LRRC8E: variants seen among roughly 807,000 people sequenced by gnomAD.
The protein encoded by LRRC8E is leucine rich repeat containing 8 VRAC subunit E, also known as volume-regulated anion channel subunit LRRC8E.
Under a neutral mutation model 6.1 loss-of-function variants are expected in LRRC8E, and 6 were observed. The observed-to-expected ratio is 0.98, with a 90% CI of 0.54 to 1.93. The LOEUF (loss-of-function observed/expected upper bound fraction) is 1.93, where lower values mean the gene tolerates loss of function less well. LRRC8E is among the 30% of genes most tolerant of loss of function. The pLI, the probability that LRRC8E is intolerant of heterozygous loss-of-function variation, is 0.01. For synonymous variants in LRRC8E, 485 were observed against 472.8 expected (o/e 1.03, Z -0.33); for missense variants, 1,028 against 1,031.4 (o/e 1.00, Z 0.04).
At chr19:7,890,646 G>C (rs1043600203) in intron 1 of LRRC8E, among the ~76,000 whole-genome samples, 3 of 151,962 alleles carry the variant, frequency 2.0e-5, no homozygotes, top group Admixed American at 6.6e-5. Flanking sequence ...AAAATTAGCC[G>C]GGCGAGGTGG....
Position 7,899,371 on chromosome 19 carries a change from G to C in LRRC8E, c.849G>C (p.Leu283=), listed in dbSNP as rs761445353. The C allele has an allele frequency of 3.1e-5, 50 of 1,614,074 alleles. No homozygotes were observed. Among genetic ancestry groups the C allele is most frequent in the Admixed American group, 5.0e-5 (3 of 60,010 alleles). ...TCTATGTGGAGAAGATCAGTTTCCT[G>C]GTGGCCTGTAGGGTGGAGACGTCAG... ...NLVYVEKISF[L]VACRVETSEV... The change falls in exon 3 of 3, where the codon CTG becomes CTC. Residue 283 remains leucine (L), a synonymous_variant. Transcript: ENST00000306708.
In LRRC8E at chr19:7,901,255, A is replaced by G. The variant is rs1356174852; in HGVS notation, c.*342A>G. 1.5e-5 allele frequency: 3 copies of G among 204,100 alleles called. No homozygotes were observed. Among genetic ancestry groups the G allele is most frequent in the Non-Finnish European group, 3.0e-5 (3 of 100,480 alleles). 12.6% of individuals were successfully genotyped at this position (204,100 alleles called of 1,614,324 possible). A position where few individuals can be genotyped will look rare whatever the true frequency, so the allele number is the denominator to read the frequency against. On this transcript the variant is annotated 3_prime_UTR_variant, in exon 3 of 3. Coordinates refer to ENST00000306708, the MANE Select transcript of LRRC8E (RefSeq NM_025061.6). Reference sequence around the variant, plus strand: ...TGGATATTCCAGCTCAATTAGTGCCACATATGGGGGAAACGACACATCCCA... The same window carrying G: ...TGGATATTCCAGCTCAATTAGTGCCGCATATGGGGGAAACGACACATCCCA...
At chr19:7,890,552 G>A (rs1221024522) in intron 1 of LRRC8E, among the ~76,000 whole-genome samples, 1 of 152,086 alleles carries the variant, frequency 6.6e-6, no homozygotes, top group East Asian at 1.9e-4. Context: ...CTCTTTGGGA[G>A]GCCGAGGCAG....
chr19:7,898,525 A>AT, intron 2 of LRRC8E, 136 bp from the exon 3 acceptor site: 2 of 725,686 alleles, frequency 2.8e-6, no homozygotes, highest in South Asian at 3.7e-5. Flanking sequence ...ATGCCCGGCT[A>AT]ATTTTGTATT....
chr19:7,900,016 G>A lies in LRRC8E; in HGVS notation c.1494G>A (p.Glu498=). ...GCGTCAAATGCGAGGAGCTCCGCGA[G>A]GTGCCGCTTTGGGTGTTTGGGCTGC... ...VMRVKCEELR[E]VPLWVFGLRG... Residue 498 remains glutamate, a synonymous_variant, in exon 3 of 3, where the codon GAG becomes GAA. Coordinates refer to ENST00000306708, the MANE Select transcript of LRRC8E (RefSeq NM_025061.6). The surrounding 1 kb of genome is among the most constrained non-coding windows in gnomAD (Gnocchi z 5.0). 1.2e-6 allele frequency: 2 copies of A among 1,610,078 alleles called. No homozygotes were observed. Among genetic ancestry groups the A allele is most frequent in the Non-Finnish European group, 1.7e-6 (2 of 1,179,370 alleles).
In LRRC8E at chr19:7,895,636, G is replaced by T. The variant is rs772109390; in HGVS notation, c.33G>T (p.Thr11=). 2 of 1,614,012 alleles carry T rather than the reference G, an allele frequency of 1.2e-6. No homozygotes were observed. Among genetic ancestry groups the T allele is most frequent in the Admixed American group, 1.7e-5 (1 of 60,010 alleles). Residue 11 remains threonine, a synonymous_variant, in exon 2 of 3, where the codon ACG becomes ACT. Coordinates refer to ENST00000306708, the MANE Select transcript of LRRC8E (RefSeq NM_025061.6). The surrounding 1 kb of genome is among the most constrained non-coding windows in gnomAD (Gnocchi z 4.7). MIPVAEFKQF[T]EQQPAFKVLK... ...CAGTGGCCGAGTTCAAGCAGTTCAC[G>T]GAACAGCAGCCTGCGTTCAAGGTGC...
At position 7,900,153 on chromosome 19, in the gene LRRC8E, G is replaced by A. The variant is rs1365470472; in HGVS notation, c.1631G>A (p.Ser544Asn). ...LKQLKVLSLR[S>N]NAGKVPASVT... Reference sequence around the variant, plus strand: ...CAGCTCAAGGTGTTGTCCCTCCGGAGCAACGCCGGGAAGGTGCCAGCCAGT... The same window carrying A: ...CAGCTCAAGGTGTTGTCCCTCCGGAACAACGCCGGGAAGGTGCCAGCCAGT... Residue 544 changes from serine to asparagine, a missense_variant, in exon 3 of 3, where the codon AGC becomes AAC. Coordinates refer to ENST00000306708, the MANE Select transcript of LRRC8E (RefSeq NM_025061.6). This position sits in a 1 kb window ranked among gnomAD's most constrained non-coding sequence, Gnocchi z 5.0. 1.2e-6 allele frequency: 2 copies of A among 1,612,994 alleles called. No homozygotes were observed. Among genetic ancestry groups the A allele is most frequent in the Middle Eastern group, 1.7e-4 (1 of 6,058 alleles).
In LRRC8E at chr19:7,899,729, A is replaced by T; in HGVS notation, c.1207A>T (p.Thr403Ser). The change falls in exon 3 of 3, where the codon ACG (threonine) becomes TCG (serine). Residue 403 changes from threonine to serine, a missense_variant. Coordinates refer to ENST00000306708, the MANE Select transcript of LRRC8E (RefSeq NM_025061.6). ...GCAGCTCAATCTCAACCACGAGTGG[A>T]CGCCCGAGAAGCTTCGACAGAAGCT... is the stretch of plus-strand genomic sequence containing the variant. Reference protein sequence around the residue: ...LKQLNLNHEWTPEKLRQKLQR... With the variant: ...LKQLNLNHEWSPEKLRQKLQR... 1.2e-6 allele frequency: 2 copies of T among 1,612,854 alleles called. No homozygotes were observed. Among genetic ancestry groups the T allele is most frequent in the Non-Finnish European group, 1.7e-6 (2 of 1,179,980 alleles).
At chr19:7,890,723 A>G (rs987411715) in intron 1 of LRRC8E, among the ~76,000 whole-genome samples, 3 of 151,050 alleles carry the variant, frequency 2.0e-5, no homozygotes, top group South Asian at 2.1e-4. Flanking sequence ...CGGGAGGCGG[A>G]GCTTGCAGTG....
intron 2 of LRRC8E, among the ~76,000 whole-genome samples, chr19:7,897,542 A>G (rs970716849): frequency 2.0e-5 from 3 of 147,534 alleles, no homozygotes; most frequent in African/African-American, 5.0e-5. Flanking sequence ...CAGTGGCGCA[A>G]TAATAGCTCA....
rs1981799588 is a variant in LRRC8E at position 7,899,272 on chromosome 19, C to G, written c.750C>G (p.Ile250Met). The G allele has an allele frequency of 6.2e-7, 1 of 1,614,248 alleles. No homozygotes were observed. Among genetic ancestry groups the G allele is most frequent in the Non-Finnish European group, 8.5e-7 (1 of 1,180,052 alleles). Residue 250 changes from isoleucine to methionine, a missense_variant, in exon 3 of 3, where the codon ATC (isoleucine) becomes ATG (methionine). Coordinates refer to ENST00000306708, the MANE Select transcript of LRRC8E (RefSeq NM_025061.6). Reference protein sequence around the residue: ...KFRMHVEEGDILYTMYIRQTV... With the variant: ...KFRMHVEEGDMLYTMYIRQTV... ...GCATGCACGTGGAAGAGGGCGACATCCTGTACACCATGTACATCCGACAGA... is the reference window on the plus strand; with the variant it reads ...GCATGCACGTGGAAGAGGGCGACATGCTGTACACCATGTACATCCGACAGA...
chr19:7,895,424 A>G lies in LRRC8E; in HGVS notation c.-5-175A>G, dbSNP rs1599605299. The G allele has an allele frequency of 4.2e-6, 3 of 711,190 alleles. No homozygotes were observed. The highest frequency in any genetic ancestry group is 7.0e-6 in the Non-Finnish European group (3 of 428,082). The allele number at this position is 711,190 out of a possible 1,614,324, so 44.1% of individuals were successfully genotyped here. On this transcript the variant is annotated intron_variant, in intron 1 of 2. Coordinates refer to ENST00000306708, the MANE Select transcript of LRRC8E (RefSeq NM_025061.6). The surrounding 1 kb of genome is among the most constrained non-coding windows in gnomAD (Gnocchi z 4.7). ...TGGGCAGGTGGTGACGTCTGCATGG[A>G]GGGTGACTAAGGCCAGGCTAAGAGG...
Position 7,899,947 on chromosome 19 carries a change from C to G in LRRC8E, c.1425C>G (p.Pro475=). 3.1e-6 allele frequency: 5 copies of G among 1,609,278 alleles called. No individual in the cohort carries two copies. Among genetic ancestry groups the G allele is most frequent in the Non-Finnish European group, 4.2e-6 (5 of 1,179,924 alleles). The change falls in exon 3 of 3, where the codon CCC becomes CCG. Residue 475 remains proline, a synonymous_variant. Coordinates refer to ENST00000306708, the MANE Select transcript of LRRC8E (RefSeq NM_025061.6). The stretch of plus-strand genomic sequence containing the variant: ...TGCTCCACTCGCCCGCCAGGCTACC[C>G]TTCTCCTTGCAGGTCTTCCTGCGGG... ...LSLLHSPARL[P]FSLQVFLRDH... is the part of the protein sequence containing the mutation.
Position 7,899,626 on chromosome 19 carries a change from C to T in LRRC8E, c.1104C>T (p.His368=). 1.2e-6 allele frequency: 2 copies of T among 1,613,806 alleles called. No homozygotes were observed. The highest frequency in any genetic ancestry group is 2.2e-5 in the South Asian group (2 of 91,090). The part of the protein sequence containing the change: ...DVKNDFAFML[H]LIDQYDSLYS... ...AGAATGACTTCGCCTTCATGCTGCACCTCATCGATCAGTACGACTCCCTCT... is the reference window on the plus strand; with the variant it reads ...AGAATGACTTCGCCTTCATGCTGCATCTCATCGATCAGTACGACTCCCTCT... The change falls in exon 3 of 3, where the codon CAC becomes CAT. Residue 368 remains histidine (H), a synonymous_variant. Coordinates refer to ENST00000306708, the MANE Select transcript of LRRC8E (RefSeq NM_025061.6).
rs1040517533 is a variant in LRRC8E at position 7,901,014 on chromosome 19, G to A, written c.*101G>A. ...TAGGAAGCCAAGTGGGTCCAGGCCA[G>A]GAGATGGGGGGGGCGGGGGCAGCTG... On this transcript the variant is annotated 3_prime_UTR_variant, in exon 3 of 3. Transcript: ENST00000306708. The A allele has an allele frequency of 1.4e-6, 1 of 739,852 alleles. No individual in the cohort carries two copies. The highest frequency in any genetic ancestry group is 2.0e-6 in the Non-Finnish European group (1 of 495,936). The allele number at this position is 739,852 out of a possible 1,614,324, so 45.8% of individuals were successfully genotyped here.
At position 7,901,965 on chromosome 19, in the gene LRRC8E, C is replaced by G. The variant is rs901083478; in HGVS notation, c.*1052C>G. The G allele has an allele frequency of 2.0e-5, 3 of 152,156 alleles. No individual in the cohort carries two copies. Among genetic ancestry groups the G allele is most frequent in the African/African-American group, 7.2e-5 (3 of 41,438 alleles). The allele number at this position is 152,156 out of a possible 1,614,324, so 9.4% of individuals were successfully genotyped here. ...ACATTTTTCCAAGGACAAGCAGGGA[C>G]TTTGGTCTTGACTGTTCTCTGGGTG... On this transcript the variant is annotated 3_prime_UTR_variant, in exon 3 of 3. Transcript: ENST00000306708.
Position 7,900,221 on chromosome 19 carries a change from A to G in LRRC8E, c.1699A>G (p.Asn567Asp). 8.1e-6 allele frequency: 13 copies of G among 1,613,170 alleles called. No individual in the cohort carries two copies. The highest frequency in any genetic ancestry group is 1.1e-5 in the Non-Finnish European group (13 of 1,179,952). ...CCACCTGCAGAGGCTCAGCCTGCAC[A>G]ACGATGGGGCCCGTCTGGTTGCCCT... Reference protein sequence around the residue: ...AGHLQRLSLHNDGARLVALNS... With the variant: ...AGHLQRLSLHDDGARLVALNS... Residue 567 changes from asparagine to aspartate, a missense_variant, in exon 3 of 3, where the codon AAC becomes GAC. Asn to Asp is a conservative substitution (Grantham distance 23, BLOSUM62 1). Transcript: ENST00000306708. This position sits in a 1 kb window ranked among gnomAD's most constrained non-coding sequence, Gnocchi z 5.0.
rs1254397782 is a variant in LRRC8E, at chr19:7,899,835, A to T, written c.1313A>T (p.Glu438Val). Residue 438 changes from glutamate to valine, a missense_variant, in exon 3 of 3, where the codon GAG (glutamate) becomes GTG (valine). Glu to Val is a moderately radical substitution (Grantham distance 121, BLOSUM62 -2). Transcript: ENST00000306708. ...GLPDTVFELS[E>V]VESLRLEAIC... ...CCCGACACCGTCTTTGAGCTCAGTG[A>T]GGTGGAGTCACTCAGGCTGGAGGCC... 5 of 1,606,522 alleles carry T rather than the reference A, an allele frequency of 3.1e-6. No homozygotes were observed. In the Admixed American group the frequency reaches 8.3e-5, roughly 27 times the overall value.
At position 7,895,789 on chromosome 19, in the gene LRRC8E, G is replaced by T. The variant is rs758922918; in HGVS notation, c.138+48G>T. ...GGGTGTGACCAGAGGGGCGGGGCAG[G>T]TGTCTGGGGAAGTCGGGAAGCCTTC... On this transcript the variant is annotated intron_variant, in intron 2 of 2. Coordinates refer to ENST00000306708, the MANE Select transcript of LRRC8E (RefSeq NM_025061.6). This position sits in a 1 kb window ranked among gnomAD's most constrained non-coding sequence, Gnocchi z 4.7. 17 of 1,595,566 alleles carry T rather than the reference G, an allele frequency of 1.1e-5. No homozygotes were observed. The highest frequency in any genetic ancestry group is 1.3e-5 in the Non-Finnish European group (15 of 1,165,318).
Sources: allele counts gnomAD v4.1 joint callset (sites outside exome capture counted in the v4.1 genomes callset), GRCh38; gene constraint gnomAD v4.1.1; non-coding constraint Gnocchi (gnomAD v3.1); transcripts MANE v1.5; gene names NCBI Gene and HGNC (gene_info 2026-07-23, HGNC 2026-07-21).